COBL: variants seen among roughly 807,000 people sequenced by gnomAD.
The protein encoded by COBL is cordon-bleu WH2 repeat protein, also known as protein cordon-bleu.
In COBL, 51 loss-of-function variants were observed where a neutral mutation model predicts 98.8. That is an observed-to-expected ratio of 0.52 (90% CI 0.41 to 0.65). COBL has a LOEUF of 0.65. Among genes scored for constraint, COBL ranks in the 30% least tolerant of loss-of-function variants. COBL has a pLI of 0.00. For missense variants in COBL, 1,617 were observed against 1,617.5 expected (o/e 1.00, Z 0.01); for synonymous variants, 634 against 651.7 (o/e 0.97, Z 0.41).
chr7:51,108,727 C>CA (rs1177001814), intron 6 of COBL, among the ~76,000 whole-genome samples: 2 of 152,150 alleles, frequency 1.3e-5, no homozygotes, highest in African/African-American at 4.8e-5. Context: ...AGCCAGCTCT[C>CA]AGACACTGGG....
intron 6 of COBL, among the ~76,000 whole-genome samples, chr7:51,094,594 C>T (rs1425852724): frequency 6.6e-6 from 1 of 151,960 alleles, no homozygotes; most frequent in African/African-American, 2.4e-5. Flanking sequence ...CATCTCTAGA[C>T]CTGCATTACA....
intron 12 of COBL, 34 bp downstream of exon 12, chr7:51,025,075 C>T (rs1197846573): frequency 6.2e-7 from 1 of 1,611,720 alleles, no homozygotes; most frequent in Non-Finnish European, 8.5e-7. Flanking sequence ...AACCCTCTGG[C>T]CCCATTGAAA....
intron 7 of COBL, among the ~76,000 whole-genome samples, chr7:51,061,894 G>T (rs2128911075): frequency 6.7e-6 from 1 of 148,150 alleles, no homozygotes; most frequent in African/African-American, 2.5e-5. Flanking sequence ...AAACTTCTTG[G>T]TTTCTATAAT....
intron 1 of COBL, among the ~76,000 whole-genome samples, chr7:51,249,900 G>A (rs1308551016): frequency 6.6e-6 from 1 of 152,078 alleles, no homozygotes; most frequent in East Asian, 1.9e-4. Context: ...CCAGGAGTTC[G>A]AGACCAGCCT....
At chr7:51,108,105 C>T (rs530799066) in intron 6 of COBL, among the ~76,000 whole-genome samples, 1 of 152,318 alleles carries the variant, frequency 6.6e-6, no homozygotes, top group South Asian at 2.1e-4. Context: ...CCAGAGGCCA[C>T]GCTTCCAGCC....
intron 6 of COBL, among the ~76,000 whole-genome samples, chr7:51,117,976 G>T (rs866057740): frequency 3.3e-5 from 5 of 152,130 alleles, no homozygotes; most frequent in African/African-American, 1.2e-4. Flanking sequence ...TCCTTTTCAT[G>T]CATGGTTCAA....
intron 7 of COBL, chr7:51,073,212 C>A (rs974038147): frequency 6.6e-6 from 3 of 451,222 alleles, no homozygotes; most frequent in Admixed American, 7.6e-5. Context: ...TATATGTAAA[C>A]CCCAAAGGAA....
At chr7:51,131,212 T>C (rs774219760) in intron 6 of COBL, among the ~76,000 whole-genome samples, 2 of 152,098 alleles carry the variant, frequency 1.3e-5, no homozygotes, top group African/African-American at 2.4e-5. Context: ...ATTCAAATAA[T>C]AGTGAAAAAA....
chr7:51,023,828 A>C (rs1268882230), intron 12 of COBL, among the ~76,000 whole-genome samples: 1 of 152,106 alleles, frequency 6.6e-6, no homozygotes, highest in Non-Finnish European at 1.5e-5. Context: ...ACAGCTTGTG[A>C]CCTGGGGATG....
intron 1 of COBL, among the ~76,000 whole-genome samples, chr7:51,264,315 G>C (rs993646547): frequency 5.3e-5 from 8 of 152,318 alleles, no homozygotes; most frequent in African/African-American, 1.9e-4. Context: ...GGCACAGAGA[G>C]TGAGGACACC....
At chr7:51,177,833 T>TA (rs1195381735) in intron 5 of COBL, among the ~76,000 whole-genome samples, 2 of 150,806 alleles carry the variant, frequency 1.3e-5, no homozygotes, top group Non-Finnish European at 3.0e-5. Context: ...TAAAAGGTTA[T>TA]AAAAAAGACA....
At chr7:51,065,113 C>G in intron 7 of COBL, 1 of 691,114 alleles carries the variant, frequency 1.4e-6, no homozygotes, top group Non-Finnish European at 2.7e-6. Context: ...AACAAGCACA[C>G]AGAGGATAGA....
chr7:51,097,057 T>G (rs1447015215), intron 6 of COBL, among the ~76,000 whole-genome samples: 1 of 152,092 alleles, frequency 6.6e-6, no homozygotes, highest in Non-Finnish European at 1.5e-5. Flanking sequence ...CAGACCAGTA[T>G]CCCTGATGAA....
chr7:51,212,807 C>T (rs1419101657), intron 2 of COBL, among the ~76,000 whole-genome samples: 2 of 152,164 alleles, frequency 1.3e-5, no homozygotes, highest in African/African-American at 2.4e-5. Context: ...CTGGGCTCCT[C>T]CCCAGCATTT....
At chr7:51,175,438 C>T (rs1788275017) in intron 5 of COBL, among the ~76,000 whole-genome samples, 1 of 152,194 alleles carries the variant, frequency 6.6e-6, no homozygotes, top group South Asian at 2.1e-4. Flanking sequence ...GCCTGCAGAC[C>T]TTTCTCAGTC....
At chr7:51,124,788 A>G (rs112134559) in intron 6 of COBL, among the ~76,000 whole-genome samples, 4 of 151,974 alleles carry the variant, frequency 2.6e-5, no homozygotes, top group African/African-American at 9.6e-5. Context: ...TATGATCTGA[A>G]TTTGTTTCCA....
chr7:51,251,732 T>C (rs996085916), intron 1 of COBL, among the ~76,000 whole-genome samples: 6 of 152,142 alleles, frequency 3.9e-5, no homozygotes, highest in East Asian at 3.9e-4. Flanking sequence ...ATCTGTCAGA[T>C]TGAACACACA....
At chr7:51,268,932 TAA>T (rs34068228) in intron 1 of COBL, among the ~76,000 whole-genome samples, 9,179 of 103,486 alleles carry the variant, frequency 0.089, 386 homozygotes, top group East Asian at 0.32. Flanking sequence ...CCCGTCTCAA[TAA>T]AAAAAAAAAA....
At chr7:51,147,511 C>T (rs368786309) in intron 5 of COBL, among the ~76,000 whole-genome samples, 11 of 152,216 alleles carry the variant, frequency 7.2e-5, no homozygotes, top group African/African-American at 1.4e-4. Flanking sequence ...AACAGGACCT[C>T]GCTTTCTGTA....
Sources: allele counts gnomAD v4.1 joint callset (sites outside exome capture counted in the v4.1 genomes callset), GRCh38; gene constraint gnomAD v4.1.1; transcripts MANE v1.5; gene names NCBI Gene and HGNC (gene_info 2026-07-23, HGNC 2026-07-21).